The following SUCLG2 variants were observed in gnomAD, a reference collection of about 807,000 sequenced individuals.
SUCLG2 encodes the protein succinate--CoA ligase [GDP-forming] subunit beta, mitochondrial.
Under a neutral mutation model 47.9 loss-of-function variants are expected in SUCLG2, and 42 were observed. The observed-to-expected ratio is 0.88, with a 90% CI of 0.69 to 1.14. The LOEUF is 1.14. Among genes scored for constraint, SUCLG2 ranks in the 50% most tolerant of loss-of-function variants. SUCLG2 has a pLI of 0.00. For missense variants in SUCLG2, 571 were observed against 525.9 expected (o/e 1.09, Z -0.84); for synonymous variants, 195 against 197.3 (o/e 0.99, Z 0.10).
intron 1 of SUCLG2, among the ~76,000 whole-genome samples, chr3:67,626,672 T>C (rs1340065001): frequency 2.6e-5 from 4 of 152,240 alleles, no homozygotes; most frequent in South Asian, 2.1e-4. Flanking sequence ...CCCAGCACTT[T>C]GGGAGGCCAA....
At chr3:67,423,977 G>A (rs893745418) in intron 9 of SUCLG2, among the ~76,000 whole-genome samples, 1 of 152,090 alleles carries the variant, frequency 6.6e-6, no homozygotes, top group Non-Finnish European at 1.5e-5. Context: ...AGTCTCTAAA[G>A]GATCTCATAT....
intron 9 of SUCLG2, among the ~76,000 whole-genome samples, chr3:67,409,646 G>C (rs990723577): frequency 1.3e-5 from 2 of 151,972 alleles, no homozygotes; most frequent in Non-Finnish European, 2.9e-5. Flanking sequence ...TAAAGGTTTA[G>C]TCTGTCAACA....
At chr3:67,528,940 G>A (rs1209779844) in intron 3 of SUCLG2, 147 bp downstream of exon 3, 3 of 581,856 alleles carry the variant, frequency 5.2e-6, no homozygotes, top group East Asian at 5.9e-5. Flanking sequence ...CACTGCCAGA[G>A]CCCTCTACCT....
chr3:67,408,011 G>A (rs1702853929), intron 9 of SUCLG2, among the ~76,000 whole-genome samples: 1 of 152,124 alleles, frequency 6.6e-6, no homozygotes, highest in Non-Finnish European at 1.5e-5. Flanking sequence ...TTAGAGGGGA[G>A]TCTAAATAGA....
intron 9 of SUCLG2, among the ~76,000 whole-genome samples, chr3:67,478,807 C>T (rs1704835352): frequency 6.6e-6 from 1 of 152,222 alleles, no homozygotes; most frequent in African/African-American, 2.4e-5. Flanking sequence ...TACATACCCT[C>T]ATCGGGTCAG....
chr3:67,497,815 T>G (rs1253546032), intron 8 of SUCLG2, among the ~76,000 whole-genome samples: 27 of 152,160 alleles, frequency 1.8e-4, no homozygotes, highest in Admixed American at 1.8e-3. Context: ...TTGATTTACA[T>G]GGGTTTATTT....
intron 2 of SUCLG2, among the ~76,000 whole-genome samples, chr3:67,601,342 G>A (rs1184591982): frequency 1.3e-5 from 2 of 151,958 alleles, no homozygotes; most frequent in African/African-American, 4.8e-5. Flanking sequence ...TTACTTTTTT[G>A]TAATTTTCTG....
At position 67,554,334 on chromosome 3, in the gene SUCLG2, T is replaced by C. The variant is rs545090657; in HGVS notation, c.227-25148A>G. Among the ~76,000 whole-genome samples, 6 of 152,352 alleles carry C rather than the reference T, an allele frequency of 3.9e-5. 1 individual carries two copies. The highest frequency in any genetic ancestry group is 1.4e-4 in the African/African-American group (6 of 41,584). The stretch of plus-strand genomic sequence containing the variant: ...TGAATGTTGTTTTGTTGGAGTGTTG[T>C]TGTTGTTGTTAGGAATTTCAGTTGC... On this transcript the variant is annotated intron_variant, in intron 2 of 10. Coordinates refer to ENST00000307227, the MANE Select transcript of SUCLG2 (RefSeq NM_003848.4).
rs189405231 is a variant in SUCLG2, at chr3:67,368,888, G to C, written c.1184-8120C>G. ...CCCAAAGTGCTGGGATTACAGGTGT[G>C]AGCCACCAGGCCCGGCTGGCATTTT... On this transcript the variant is annotated intron_variant, in intron 10 of 10. Transcript: ENST00000493112. Among the ~76,000 whole-genome samples, 6 of 152,246 alleles carry C rather than the reference G, an allele frequency of 3.9e-5. No homozygotes were observed. The East Asian group carries it at 1.2e-3, about 29-fold the overall frequency.
chr3:67,601,685 C>CTTTAAAAA (rs1708421011), intron 2 of SUCLG2, among the ~76,000 whole-genome samples: 1 of 152,132 alleles, frequency 6.6e-6, no homozygotes, highest in South Asian at 2.1e-4. Flanking sequence ...TTTAAAAAAA[C>CTTTAAAAA]AAGTCGGCCA....
At chr3:67,610,349 C>A (rs1700505566) in intron 1 of SUCLG2, among the ~76,000 whole-genome samples, 1 of 152,116 alleles carries the variant, frequency 6.6e-6, no homozygotes, top group Non-Finnish European at 1.5e-5. Flanking sequence ...GCTTAAGTTT[C>A]AAGTAGAAGT....
chr3:67,442,496 T>C (rs1432305066), intron 9 of SUCLG2, among the ~76,000 whole-genome samples: 1 of 152,198 alleles, frequency 6.6e-6, no homozygotes, highest in Non-Finnish European at 1.5e-5. Context: ...TAAAGGGCTT[T>C]CCAGGGGATT....
chr3:67,537,700 G>A (rs1411451714), intron 2 of SUCLG2, among the ~76,000 whole-genome samples: 3 of 152,166 alleles, frequency 2.0e-5, no homozygotes, highest in Non-Finnish European at 2.9e-5. Flanking sequence ...GTGTAGAAGT[G>A]TTCCTATTTC....
At chr3:67,650,482 C>T (rs1701267118) in intron 1 of SUCLG2, among the ~76,000 whole-genome samples, 1 of 152,228 alleles carries the variant, frequency 6.6e-6, no homozygotes, top group Admixed American at 6.5e-5. Context: ...CCTGGCCAGG[C>T]ACAGTGGCCC....
At chr3:67,452,775 G>A (rs1386607374) in intron 9 of SUCLG2, among the ~76,000 whole-genome samples, 1 of 152,132 alleles carries the variant, frequency 6.6e-6, no homozygotes, top group East Asian at 1.9e-4. Flanking sequence ...TTGTCATTCT[G>A]TGACTGAAAT....
At chr3:67,377,414 T>A (rs1306081777) in intron 10 of SUCLG2, among the ~76,000 whole-genome samples, 1 of 152,216 alleles carries the variant, frequency 6.6e-6, no homozygotes, top group Non-Finnish European at 1.5e-5. Context: ...CACAGACTCC[T>A]GCTCCTCTTC....
At chr3:67,533,135 A>G (rs1294523162) in intron 2 of SUCLG2, among the ~76,000 whole-genome samples, 1 of 152,250 alleles carries the variant, frequency 6.6e-6, no homozygotes, top group Admixed American at 6.5e-5. Context: ...CAGAGCCATA[A>G]TAGGAATCAT....
At chr3:67,371,566 C>A (rs141588313), downstream of SUCLG2, among the ~76,000 whole-genome samples, 2 of 152,178 alleles carry the variant, frequency 1.3e-5, no homozygotes, top group African/African-American at 4.8e-5. Context: ...ATGCCTTGTG[C>A]AAGTCCCGGA....
rs557026485 is a variant in SUCLG2 at position 67,435,154 on chromosome 3, A to T, written c.1063-34303T>A. 5.3e-5 allele frequency among the ~76,000 whole-genome samples: 8 copies of T among 152,304 alleles called. No homozygotes were observed. In the South Asian group the frequency reaches 1.4e-3, roughly 28 times the overall value. ...TACAGCTGACAAAGGTTTGAGGACCACAGTTCTCATTCTCAGCAAATCACA... is the reference window on the plus strand; with the variant it reads ...TACAGCTGACAAAGGTTTGAGGACCTCAGTTCTCATTCTCAGCAAATCACA... On this transcript the variant is annotated intron_variant, in intron 9 of 10. Transcript: ENST00000307227.
Sources: gnomAD v4.1 joint callset for allele counts (sites outside exome capture counted in the v4.1 genomes callset) on GRCh38, gnomAD v4.1.1 for gene constraint, MANE v1.5 for transcripts, NCBI Gene and HGNC (gene_info 2026-07-23, HGNC 2026-07-21) for gene names.